Variants in CAST observed in about 807,000 individuals in gnomAD.
CAST encodes the protein MIR583 host.
In CAST, 76 loss-of-function variants were observed where a neutral mutation model predicts 119.6. The ratio of observed to expected loss-of-function variants is 0.64; its 90% confidence interval spans 0.53 to 0.77. CAST has a LOEUF of 0.77. Ranked by LOEUF, CAST falls within the 30% of genes least tolerant of loss-of-function variation. The pLI is 0.00. For synonymous variants in CAST, 319 were observed against 331.6 expected (o/e 0.96, Z 0.41); for missense variants, 953 against 946.5 (o/e 1.01, Z -0.09).
At chr5:96,330,691 T>C in the CAST span, among the ~76,000 whole-genome samples, 1 of 152,202 alleles carries the variant, frequency 6.6e-6, no homozygotes, top group Non-Finnish European at 1.5e-5. Context: ...TAGTCAAAGC[T>C]AATGAAAATA....
chr5:96,568,564 CAAAAAAAAAAAAAAA>C (rs70981830), intron 1 of CAST, among the ~76,000 whole-genome samples: 1 of 70,920 alleles, frequency 1.4e-5, no homozygotes, highest in Non-Finnish European at 2.4e-5. Context: ...GACTCCATCT[CAAAAAAAAAAAAAAA>C]AAAAAAAAAG....
the CAST span, among the ~76,000 whole-genome samples, chr5:96,332,629 G>A: frequency 1.3e-5 from 2 of 152,152 alleles, no homozygotes; most frequent in African/African-American, 4.8e-5. Flanking sequence ...ACAGAGCGAC[G>A]ACATGGACGT....
At chr5:96,295,546 G>T in the CAST span, among the ~76,000 whole-genome samples, 648 of 152,300 alleles carry the variant, frequency 4.3e-3, 4 homozygotes, top group African/African-American at 0.014. Flanking sequence ...CAGAATTGGG[G>T]TGTATCAAAT....
At chr5:96,673,432 G>T (rs1018399406) in intron 1 of CAST, among the ~76,000 whole-genome samples, 2 of 152,214 alleles carry the variant, frequency 1.3e-5, no homozygotes, top group African/African-American at 2.4e-5. Flanking sequence ...GAATGTGGAA[G>T]CAAAGTGAAG....
intron 29 of CAST, chr5:96,770,214 C>A (rs1771764283): frequency 3.2e-6 from 1 of 314,908 alleles, no homozygotes; most frequent in Admixed American, 4.1e-5. Flanking sequence ...TTTCTCCACA[C>A]CCTTGCCGAC....
chr5:96,288,062 A>T, the CAST span, among the ~76,000 whole-genome samples: 3 of 152,304 alleles, frequency 2.0e-5, no homozygotes, highest in East Asian at 5.8e-4. Flanking sequence ...GTTTTGGGCT[A>T]CAGATGGAAT....
At chr5:96,446,256 C>T in the CAST span, among the ~76,000 whole-genome samples, 1 of 151,478 alleles carries the variant, frequency 6.6e-6, no homozygotes, top group Non-Finnish European at 1.5e-5. Flanking sequence ...CATAAGAATC[C>T]TATATTCTTA....
chr5:96,154,516 A>G, the CAST span, among the ~76,000 whole-genome samples: 1 of 152,008 alleles, frequency 6.6e-6, no homozygotes, highest in Non-Finnish European at 1.5e-5. Context: ...CAATTAATGA[A>G]TCCATACTGA....
chr5:96,630,991 C>G (rs538639790), intron 1 of CAST: 4 of 140,870 alleles, frequency 2.8e-5, no homozygotes, highest in Admixed American at 2.2e-4. Context: ...TGCATTGCTT[C>G]ATGGCACTGT....
At chr5:96,535,801 CT>C (rs1417705503) in intron 1 of CAST, among the ~76,000 whole-genome samples, 1 of 150,728 alleles carries the variant, frequency 6.6e-6, no homozygotes, top group Admixed American at 6.6e-5. Flanking sequence ...TCTCGATCTC[CT>C]GACCTCGTGA....
intron 19 of CAST, among the ~76,000 whole-genome samples, chr5:96,749,212 G>C (rs1764435811): frequency 6.6e-6 from 1 of 152,144 alleles, no homozygotes; most frequent in African/African-American, 2.4e-5. Flanking sequence ...TCAAGGCTCT[G>C]CTGAAATATG....
intron 25 of CAST, among the ~76,000 whole-genome samples, chr5:96,764,674 C>T (rs1057462774): frequency 3.3e-5 from 5 of 152,150 alleles, no homozygotes; most frequent in South Asian, 2.1e-4. Context: ...CTGCGGGTCA[C>T]GCTGCACTTT....
chr5:96,395,113 T>G, the CAST span: 6 of 1,054,632 alleles, frequency 5.7e-6, no homozygotes, highest in South Asian at 7.7e-5. Flanking sequence ...ATTTCATTGT[T>G]AAAATCTCAT....
chr5:96,497,329 A>C, the CAST span, among the ~76,000 whole-genome samples: 2 of 152,128 alleles, frequency 1.3e-5, no homozygotes, highest in African/African-American at 4.8e-5. Flanking sequence ...ATATGGGTGC[A>C]TGTGTCTTTA....
chr5:96,488,330 C>T, the CAST span, among the ~76,000 whole-genome samples: 1 of 152,086 alleles, frequency 6.6e-6, no homozygotes, highest in African/African-American at 2.4e-5. Context: ...TCACCACCAG[C>T]ATTTAATGAT....
the CAST span, among the ~76,000 whole-genome samples, chr5:96,092,428 T>C: frequency 4.5e-4 from 68 of 152,302 alleles, no homozygotes; most frequent in African/African-American, 1.6e-3. Context: ...TAAAATTCTC[T>C]TGGGTCTCTA....
intron 1 of CAST, among the ~76,000 whole-genome samples, chr5:96,534,371 T>C (rs1181834708): frequency 6.8e-6 from 1 of 146,990 alleles, no homozygotes; most frequent in African/African-American, 2.5e-5. Flanking sequence ...TAAGAAACCG[T>C]TACTTGTCCT....
At chr5:96,367,409 C>T in the CAST span, among the ~76,000 whole-genome samples, 2 of 151,908 alleles carry the variant, frequency 1.3e-5, no homozygotes, top group African/African-American at 4.8e-5. Context: ...TTGGCTATGC[C>T]CTGCCACCAG....
chr5:96,060,172 A>T, the CAST span, among the ~76,000 whole-genome samples: 1 of 152,180 alleles, frequency 6.6e-6, no homozygotes, highest in Non-Finnish European at 1.5e-5. Flanking sequence ...AAGAGTTTGC[A>T]TTCACTAGAA....
Sources: gnomAD v4.1 joint callset for allele counts (sites outside exome capture counted in the v4.1 genomes callset) on GRCh38, gnomAD v4.1.1 for gene constraint, MANE v1.5 for transcripts, NCBI Gene and HGNC (gene_info 2026-07-23, HGNC 2026-07-21) for gene names.